The following KIF21A variants were observed in gnomAD, a reference collection of about 807,000 sequenced individuals.
The protein encoded by KIF21A is kinesin-like protein KIF21A.
In KIF21A, 114 loss-of-function variants were observed where a neutral mutation model predicts 202.9. The observed-to-expected ratio is 0.56, with a 90% CI of 0.48 to 0.66. The LOEUF (loss-of-function observed/expected upper bound fraction) is 0.66, where lower values mean the gene tolerates loss of function less well. Ranked by LOEUF, KIF21A falls within the 30% of genes least tolerant of loss-of-function variation. The pLI is 0.00. For missense variants in KIF21A, 1,677 were observed against 1,994.9 expected (o/e 0.84, Z 3.04); for synonymous variants, 667 against 670.8 (o/e 0.99, Z 0.09).
At chr12:39,322,361 CTTTAA>C (rs1165380341) in intron 27 of KIF21A, 3 of 233,402 alleles carry the variant, frequency 1.3e-5, no homozygotes, top group African/African-American at 4.7e-5. Context: ...ATAGGTATAA[CTTTAA>C]TTTAGGTATT....
rs764511984 is a variant in KIF21A at position 39,333,025 on chromosome 12, G to T, written c.2570C>A (p.Ala857Glu). ...ACTGGAACCTGTGTCCTGAGCAGGT[G>T]CATCAGATGAACTCAGCTTCCGAGT... ...KVTRKLSSSD[A>E]PAQDTGSSAA... The change falls in exon 19 of 38, where the codon GCA (alanine) becomes GAA (glutamate). Residue 857 changes from alanine to glutamate, a missense_variant. By Grantham distance (107) the Ala-to-Glu change is moderately radical. Around this residue, in one of 3 missense-constraint regions of KIF21A, gnomAD observed 966 missense variants for 1,180.9 expected, o/e 0.82. Coordinates refer to ENST00000361418, the MANE Select transcript of KIF21A (RefSeq NM_001173464.2). 1.2e-6 allele frequency: 2 copies of T among 1,613,956 alleles called. No individual in the cohort carries two copies. Among genetic ancestry groups the T allele is most frequent in the Non-Finnish European group, 1.7e-6 (2 of 1,179,910 alleles).
chr12:39,308,196 C>T (rs968370405), intron 33 of KIF21A, among the ~76,000 whole-genome samples: 2 of 151,746 alleles, frequency 1.3e-5, no homozygotes, highest in Non-Finnish European at 2.9e-5. Context: ...GGTGAAGTCC[C>T]ATCTCTACTA....
Position 39,332,295 on chromosome 12 carries a change from C to T in KIF21A, c.2970G>A (p.Glu990=). ...KNVANINEEM[E]SLTANIDYIN... ...TGTAATCGATATTAGCAGTCAGTGACTCCATCTCTTCATTGATATTAGCCA... is the reference window on the plus strand; with the variant it reads ...TGTAATCGATATTAGCAGTCAGTGATTCCATCTCTTCATTGATATTAGCCA... Residue 990 remains glutamate, a synonymous_variant, in exon 21 of 38, where the codon GAG becomes GAA. Transcript: ENST00000361418. 6.2e-7 allele frequency: 1 copy of T among 1,613,474 alleles called. No homozygotes were observed.
intron 1 of KIF21A, among the ~76,000 whole-genome samples, chr12:39,414,513 G>GT (rs1413542426): frequency 1.3e-5 from 2 of 152,154 alleles, no homozygotes; most frequent in Admixed American, 6.5e-5. Flanking sequence ...CCAGTTAAAC[G>GT]TAAGACCTAA....
chr12:39,324,751 A>G (rs1945677306), intron 26 of KIF21A, among the ~76,000 whole-genome samples: 1 of 152,250 alleles, frequency 6.6e-6, no homozygotes, highest in Admixed American at 6.5e-5. Context: ...CCAGGAAATC[A>G]TAATGATGAA....
intron 26 of KIF21A, 60 bp from the exon 27 acceptor site, chr12:39,322,942 G>C: frequency 1.6e-6 from 2 of 1,264,182 alleles, no homozygotes; most frequent in Non-Finnish European, 2.2e-6. Context: ...AAGCTGATTA[G>C]AGAACAGAGA....
chr12:39,332,529 A>G, intron 20 of KIF21A, 62 bp downstream of exon 20: 1 of 1,585,492 alleles, frequency 6.3e-7, no homozygotes, highest in East Asian at 2.2e-5. Flanking sequence ...AGGGAACAAA[A>G]TTGGAAGAGT....
At chr12:39,399,797 C>A (rs908400049) in intron 1 of KIF21A, among the ~76,000 whole-genome samples, 5 of 152,164 alleles carry the variant, frequency 3.3e-5, no homozygotes, top group Non-Finnish European at 7.3e-5. Flanking sequence ...ATCCTCTCTG[C>A]TGATAATTGG....
chr12:39,402,587 G>A (rs866301558), intron 1 of KIF21A, among the ~76,000 whole-genome samples: 2 of 151,972 alleles, frequency 1.3e-5, no homozygotes, highest in African/African-American at 2.4e-5. Flanking sequence ...AAAATAAGAG[G>A]AGCCCCTTTC....
Position 39,346,588 on chromosome 12 carries a change from TA to T in KIF21A, c.1674-85del, listed in dbSNP as rs1426631542. Reference sequence around the variant, plus strand: ...GTAAAAAGCGAAAGTGATAAGAAGGTAAAAATGATACATGAGCTTGAAGACT... The same window carrying T: ...GTAAAAAGCGAAAGTGATAAGAAGGTAAAATGATACATGAGCTTGAAGACT... On this transcript the variant is annotated intron_variant, in intron 11 of 37. Coordinates refer to ENST00000361418, the MANE Select transcript of KIF21A (RefSeq NM_001173464.2). 1.5e-5 allele frequency: 13 copies of T among 865,338 alleles called. No individual in the cohort carries two copies. The African/African-American group carries it at 2.1e-4, about 14-fold the overall frequency. The allele number at this position is 865,338 out of a possible 1,614,324, so 53.6% of individuals were successfully genotyped here. A position where few individuals can be genotyped will look rare whatever the true frequency, so the allele number is the denominator to read the frequency against.
intron 11 of KIF21A, 112 bp from the exon 12 acceptor site, chr12:39,346,616 T>A: frequency 1.7e-6 from 1 of 603,678 alleles, no homozygotes; most frequent in Non-Finnish European, 2.5e-6. Context: ...TTGAAGACTT[T>A]AAAATAAATT....
At chr12:39,393,387 T>C (rs923414859) in intron 1 of KIF21A, among the ~76,000 whole-genome samples, 2 of 152,134 alleles carry the variant, frequency 1.3e-5, no homozygotes, top group East Asian at 3.9e-4. Flanking sequence ...AGGCAAGAGA[T>C]AAGAAAAAGG....
intron 1 of KIF21A, among the ~76,000 whole-genome samples, chr12:39,386,164 G>A (rs1157727091): frequency 6.6e-6 from 1 of 152,104 alleles, no homozygotes; most frequent in African/African-American, 2.4e-5. Context: ...AAGCTTCCTT[G>A]CAGCTAGATG....
At chr12:39,332,051 A>C (rs1272364162) in intron 21 of KIF21A, 163 bp downstream of exon 21, 3 of 703,642 alleles carry the variant, frequency 4.3e-6, no homozygotes, top group Non-Finnish European at 7.2e-6. Flanking sequence ...TCAGCAGAGA[A>C]ATCTGAAAAG....
In KIF21A at chr12:39,322,845, T is replaced by G. The variant is rs1346942612; in HGVS notation, c.3494A>C (p.Tyr1165Ser). The change falls in exon 27 of 38, where the codon TAT becomes TCT. Residue 1165 changes from tyrosine (Y) to serine (S), a missense_variant. Coordinates refer to ENST00000361418, the MANE Select transcript of KIF21A (RefSeq NM_001173464.2). ...RRTTTQMELLYADSSELASDT... is the reference protein window; with the variant it reads ...RRTTTQMELLSADSSELASDT... ...TGAAGCTAGTTCACTGCTATCTGCATACAGCAATTCCATCTGAGTGGTGGT... is the reference window on the plus strand; with the variant it reads ...TGAAGCTAGTTCACTGCTATCTGCAGACAGCAATTCCATCTGAGTGGTGGT... 1 of 1,593,282 alleles carries G rather than the reference T, an allele frequency of 6.3e-7. No individual in the cohort carries two copies. The highest frequency in any genetic ancestry group is 1.1e-5 in the South Asian group (1 of 87,212).
rs749855700 is a variant in KIF21A at position 39,311,403 on chromosome 12, A to AT, written c.4096+13dup. On this transcript the variant is annotated intron_variant, in intron 32 of 37. Coordinates refer to ENST00000361418, the MANE Select transcript of KIF21A (RefSeq NM_001173464.2). ...AAAAGCTATTAAATATCTGCATTAG[A>AT]TAACTACTAGCACCTTTTGATCCAG... 9.9e-6 allele frequency: 16 copies of AT among 1,611,106 alleles called. No homozygotes were observed. Among genetic ancestry groups the AT allele is most frequent in the Middle Eastern group, 1.7e-4 (1 of 5,992 alleles).
intron 11 of KIF21A, among the ~76,000 whole-genome samples, chr12:39,347,029 T>C (rs984543112): frequency 2.6e-5 from 4 of 151,920 alleles, no homozygotes; most frequent in Non-Finnish European, 5.9e-5. Flanking sequence ...TTTAATATAC[T>C]ACATATGAAT....
chr12:39,376,119 C>A (rs1264133724), intron 1 of KIF21A, among the ~76,000 whole-genome samples: 2 of 152,002 alleles, frequency 1.3e-5, no homozygotes, highest in African/African-American at 4.8e-5. Context: ...TACCTTGAGT[C>A]CCCAAGAAAA....
In KIF21A at chr12:39,311,656, ATAAG is replaced by A. The variant is rs1944048865; in HGVS notation, c.3960-107_3960-104del. ...TTTCCCCTAACTTTAAGAAGTCTTT[ATAAG>A]TAATTAGTAATAAAATCCAGACTGC... On this transcript the variant is annotated intron_variant, in intron 31 of 37. Transcript: ENST00000361418. The A allele has an allele frequency of 2.7e-6, 3 of 1,126,062 alleles. No homozygotes were observed. The South Asian group carries it at 3.9e-5, about 15-fold the overall frequency. The allele number at this position is 1,126,062 out of a possible 1,614,324, so 69.8% of individuals were successfully genotyped here.
Sources: allele counts gnomAD v4.1 joint callset (sites outside exome capture counted in the v4.1 genomes callset), GRCh38; gene constraint gnomAD v4.1.1; regional missense constraint gnomAD v4.1.1; transcripts MANE v1.5; gene names NCBI Gene and HGNC (gene_info 2026-07-23, HGNC 2026-07-21).